Variants in ALKAL2 observed in about 807,000 individuals in gnomAD.
ALKAL2 encodes AUG-alpha.
A neutral mutation model predicts 18.5 loss-of-function variants in ALKAL2; 8 were observed. The ratio of observed to expected loss-of-function variants is 0.43; its 90% CI spans 0.25 to 0.78. The LOEUF (loss-of-function observed/expected upper bound fraction) is 0.78, where lower values mean the gene tolerates loss of function less well. ALKAL2 is among the 30% of genes least tolerant of loss of function. The probability of loss-of-function intolerance (pLI) is 0.22; values close to 1 mark genes in which losing one functional copy is unlikely to be tolerated. For synonymous variants in ALKAL2, 135 were observed against 95.8 expected (o/e 1.41, Z -2.39); for missense variants, 241 against 211.2 (o/e 1.14, Z -0.88).
chr2:286,449 T>C (rs1670511733), intron 2 of ALKAL2, 106 bp from the exon 3 acceptor site: 2 of 799,882 alleles, frequency 2.5e-6, no homozygotes, highest in Admixed American at 5.4e-5. Context: ...TTAGCCAAGT[T>C]GCTTTGCACA....
intron 4 of ALKAL2, among the ~76,000 whole-genome samples, chr2:284,346 T>C (rs1201413012): frequency 1.3e-5 from 2 of 152,238 alleles, no homozygotes; most frequent in Admixed American, 6.5e-5. Flanking sequence ...GACTTAGTTC[T>C]GCATTCCCAA....
chr2:281,630 G>A (rs940238850), intron 5 of ALKAL2, among the ~76,000 whole-genome samples: 1 of 152,166 alleles, frequency 6.6e-6, no homozygotes, highest in Non-Finnish European at 1.5e-5. Flanking sequence ...AGCCAGCGGA[G>A]GGGAGGCAGG....
chr2:286,377 G>C, intron 2 of ALKAL2, 34 bp from the exon 3 acceptor site: 1 of 1,510,064 alleles, frequency 6.6e-7, no homozygotes, highest in Non-Finnish European at 9.1e-7. Flanking sequence ...TATATTACCT[G>C]AAGGACGCAT....
At position 286,124 on chromosome 2, in the gene ALKAL2, TG is replaced by T. The variant is rs1558269351; in HGVS notation, c.386del (p.Ala129AspfsTer77). ...YHNTRDCTIP[A>X]YYKRCARLLT... ...TAAAAATCCAATGCTGTTACTTACA[TG>T]CAGGAATGGTGCAGTCTCTGGTGTT... On this transcript the variant is annotated frameshift_variant and splice_region_variant, in exon 4 of 6. Coordinates refer to ENST00000403610, the MANE Select transcript of ALKAL2 (RefSeq NM_001002919.3). LOFTEE classifies it high-confidence loss of function. The T allele has an allele frequency of 1.9e-6, 3 of 1,612,714 alleles. No individual in the cohort carries two copies. In the African/African-American group the frequency reaches 4.0e-5, roughly 22 times the overall value.
chr2:280,130 G>C lies in ALKAL2; in HGVS notation c.*17C>G, dbSNP rs906964145. On this transcript the variant is annotated 3_prime_UTR_variant, in exon 6 of 6. Coordinates refer to ENST00000403610, the MANE Select transcript of ALKAL2 (RefSeq NM_001002919.3). ...CACTTCTCATGGCTCCTGGTGTGCT[G>C]CTCCTGTACGGTCTGCTCACTGCTG... is the stretch of plus-strand genomic sequence containing the variant. 2 of 1,613,784 alleles carry C rather than the reference G, an allele frequency of 1.2e-6. No homozygotes were observed. Among genetic ancestry groups the C allele is most frequent in the African/African-American group, 1.3e-5 (1 of 74,918 alleles).
At position 287,828 on chromosome 2, in the gene ALKAL2, C is replaced by G. The variant is rs1313702371; in HGVS notation, c.8G>C (p.Gly3Ala). The G allele has an allele frequency of 3.0e-6, 4 of 1,313,878 alleles. No individual in the cohort carries two copies. The African/African-American group carries it at 4.7e-5, about 15-fold the overall frequency. 81.4% of individuals were successfully genotyped at this position (1,313,878 alleles called of 1,614,324 possible). A position where few individuals can be genotyped will look rare whatever the true frequency, so the allele number is the denominator to read the frequency against. Reference protein sequence around the residue: MRGPGHPLLLGLL... With the variant: MRAPGHPLLLGLL... ...CCCCAGGAGGAGGGGGTGCCCGGGT[C>G]CGCGCATCGTGCGCTCGGGGCCGCG... Residue 3 changes from glycine (G) to alanine (A), a missense_variant, in exon 2 of 6, where the codon GGA (glycine) becomes GCA (alanine). Physicochemically the swap from Gly to Ala is moderately conservative, Grantham distance 60. Coordinates refer to ENST00000403610, the MANE Select transcript of ALKAL2 (RefSeq NM_001002919.3).
intron 5 of ALKAL2, among the ~76,000 whole-genome samples, chr2:281,940 G>C (rs1042091708): frequency 1.3e-5 from 2 of 152,172 alleles, no homozygotes; most frequent in Admixed American, 6.5e-5. Context: ...GCAGGGATGT[G>C]GGGAGACATT....
At chr2:286,618 T>C in intron 2 of ALKAL2, 1 of 359,628 alleles carries the variant, frequency 2.8e-6, no homozygotes, top group Non-Finnish European at 4.9e-6. Flanking sequence ...ACCACGAAGT[T>C]ACAGAGGTAA....
chr2:283,076 G>C, intron 5 of ALKAL2, 35 bp downstream of exon 5: 1 of 1,578,418 alleles, frequency 6.3e-7, no homozygotes, highest in Non-Finnish European at 8.6e-7. Flanking sequence ...TCCCATCTTT[G>C]GTATGTGCTC....
intron 5 of ALKAL2, 80 bp from the exon 6 acceptor site, chr2:280,232 G>A: frequency 6.7e-7 from 1 of 1,494,358 alleles, no homozygotes. Context: ...ACTTCAGTTA[G>A]GGGACACAAC....
rs533874408 is a variant in ALKAL2 at position 288,037 on chromosome 2, C to T, written c.-82G>A. 8 of 1,218,892 alleles carry T rather than the reference C, an allele frequency of 6.6e-6. No homozygotes were observed. Among genetic ancestry groups the T allele is most frequent in the African/African-American group, 3.1e-5 (2 of 63,512 alleles). 75.5% of individuals were successfully genotyped at this position (1,218,892 alleles called of 1,614,324 possible). ...CCTCCGCGGACCCCGAGGAACAAGC[C>T]GGCAGGTGAGGGAGCCGCGGTCTCC... On this transcript the variant is annotated 5_prime_UTR_variant, in exon 1 of 6. Coordinates refer to ENST00000403610, the MANE Select transcript of ALKAL2 (RefSeq NM_001002919.3).
intron 5 of ALKAL2, among the ~76,000 whole-genome samples, chr2:280,520 A>G (rs968967900): frequency 5.3e-5 from 8 of 152,224 alleles, no homozygotes; most frequent in African/African-American, 1.9e-4. Context: ...TAAAGCTAAT[A>G]ATCGAGATTA....
chr2:287,499 GA>G, intron 2 of ALKAL2, 83 bp downstream of exon 2: 1 of 697,926 alleles, frequency 1.4e-6, no homozygotes. Context: ...GGTCAAAATT[GA>G]TGTCTCTTTT....
rs1670593499 is a variant in ALKAL2 at position 288,088 on chromosome 2, C to T, written c.-133G>A. ...TCGACGATCACGCCCGAGGTCCCGCCCACGGGGAGCGACCGCCGCTGGTGC... is the reference window on the plus strand; with the variant it reads ...TCGACGATCACGCCCGAGGTCCCGCTCACGGGGAGCGACCGCCGCTGGTGC... On this transcript the variant is annotated 5_prime_UTR_variant, in exon 1 of 6. Transcript: ENST00000403610. 8.4e-7 allele frequency: 1 copy of T among 1,187,682 alleles called. No individual in the cohort carries two copies. The highest frequency in any genetic ancestry group is 1.0e-6 in the Non-Finnish European group (1 of 960,180). The allele number at this position is 1,187,682 out of a possible 1,614,324, so 73.6% of individuals were successfully genotyped here. A position where few individuals can be genotyped will look rare whatever the true frequency, so the allele number is the denominator to read the frequency against.
Position 287,626 on chromosome 2 carries a change from G to A in ALKAL2, c.210C>T (p.Arg70=), listed in dbSNP as rs754930509. 15 of 1,476,910 alleles carry A rather than the reference G, an allele frequency of 1.0e-5. No individual in the cohort carries two copies. The South Asian group carries it at 1.9e-4, about 19-fold the overall frequency. 91.5% of individuals were successfully genotyped at this position (1,476,910 alleles called of 1,614,324 possible). A position where few individuals can be genotyped will look rare whatever the true frequency, so the allele number is the denominator to read the frequency against. ...AAGGCCCCAGCCCCGCCGCCTCCGC[G>A]CGGCCCAGGGCGCAGTCCCGCCCGA... is the stretch of plus-strand genomic sequence containing the variant. ...QLLGRDCALG[R]AEAAGLGPSP... Residue 70 remains arginine (R), a synonymous_variant, in exon 2 of 6, where the codon CGC becomes CGT. Coordinates refer to ENST00000403610, the MANE Select transcript of ALKAL2 (RefSeq NM_001002919.3).
chr2:279,989 G>C lies in ALKAL2; in HGVS notation c.*158C>G, dbSNP rs2103079207. On this transcript the variant is annotated 3_prime_UTR_variant, in exon 6 of 6. Transcript: ENST00000403610. ...TTTATCGAATATATATCTGCAAACTGTCAACAACATACAAAACTCAAAGGA... is the reference window on the plus strand; with the variant it reads ...TTTATCGAATATATATCTGCAAACTCTCAACAACATACAAAACTCAAAGGA... The C allele has an allele frequency of 5.2e-6, 4 of 770,066 alleles. No homozygotes were observed. The highest frequency in any genetic ancestry group is 9.2e-6 in the Non-Finnish European group (4 of 436,666). 47.7% of individuals were successfully genotyped at this position (770,066 alleles called of 1,614,324 possible).
rs761433132 is a variant in ALKAL2, at chr2:283,006, C to G, written c.453+105G>C. The G allele has an allele frequency of 8.7e-4, 1,057 of 1,210,406 alleles. 3 individuals are homozygous for G. The highest frequency in any genetic ancestry group is 1.0e-3 in the Non-Finnish European group (896 of 861,282). 75.0% of individuals were successfully genotyped at this position (1,210,406 alleles called of 1,614,324 possible). The stretch of plus-strand genomic sequence containing the variant: ...GCCATCTCTACTTAGAATATGGCTA[C>G]TTCAGCCAAAGAATGAGTGTTCCTA... On this transcript the variant is annotated intron_variant, in intron 5 of 5. Coordinates refer to ENST00000403610, the MANE Select transcript of ALKAL2 (RefSeq NM_001002919.3).
rs1330323161 is a variant in ALKAL2 at position 287,639 on chromosome 2, C to G, written c.197G>C (p.Cys66Ser). 15 of 1,481,626 alleles carry G rather than the reference C, an allele frequency of 1.0e-5. No homozygotes were observed. Among genetic ancestry groups the G allele is most frequent in the Non-Finnish European group, 1.3e-5 (15 of 1,122,196 alleles). 91.8% of individuals were successfully genotyped at this position (1,481,626 alleles called of 1,614,324 possible). The change falls in exon 2 of 6, where the codon TGC becomes TCC. Residue 66 changes from cysteine to serine, a missense_variant. Cys to Ser is a moderately radical substitution (Grantham distance 112). Coordinates refer to ENST00000403610, the MANE Select transcript of ALKAL2 (RefSeq NM_001002919.3). ...CGCCGCCTCCGCGCGGCCCAGGGCG[C>G]AGTCCCGCCCGAGGAGCTGCAGGCC... is the stretch of plus-strand genomic sequence containing the variant. The part of the protein sequence containing the change: ...HKGLQLLGRD[C>S]ALGRAEAAGL...
intron 5 of ALKAL2, 80 bp downstream of exon 5, chr2:283,031 A>C: frequency 1.4e-6 from 2 of 1,396,648 alleles, no homozygotes; most frequent in Non-Finnish European, 2.0e-6. Flanking sequence ...GAGTGTTCCT[A>C]AACTCCCATG....
Sources: allele counts gnomAD v4.1 joint callset (sites outside exome capture counted in the v4.1 genomes callset), GRCh38; gene constraint gnomAD v4.1.1; transcripts MANE v1.5; gene names NCBI Gene and HGNC (gene_info 2026-07-23, HGNC 2026-07-21).